Variants in IL1RAPL1 observed in about 807,000 individuals in gnomAD.
IL1RAPL1 encodes the protein interleukin 1 receptor accessory protein like 1, also known as interleukin-1 receptor accessory protein-like 1.
A neutral mutation model predicts 48.4 loss-of-function variants in IL1RAPL1; 3 were observed. The ratio of observed to expected loss-of-function variants is 0.06; its 90% confidence interval spans 0.03 to 0.16. IL1RAPL1 has a LOEUF of 0.16. Among genes scored for constraint, IL1RAPL1 ranks in the 10% least tolerant of loss-of-function variants. The pLI is 1.00. For missense variants in IL1RAPL1, 349 were observed against 530.6 expected (o/e 0.66, Z 3.36); for synonymous variants, 185 against 187.7 (o/e 0.99, Z 0.12).
At chrX:29,947,406 C>T in intron 9 of IL1RAPL1, among the ~76,000 whole-genome samples, 1 of 111,208 alleles carries the variant, frequency 9.0e-6, no homozygotes, top group Non-Finnish European at 1.9e-5. Flanking sequence ...CCAGGGCAAG[C>T]TTATAAGAAC....
intron 2 of IL1RAPL1, among the ~76,000 whole-genome samples, chrX:28,926,700 C>G (rs1923751437): frequency 8.9e-6 from 1 of 111,748 alleles, no homozygotes; most frequent in Admixed American, 9.5e-5. Flanking sequence ...AAGCACCAAA[C>G]ATCCTATTCC....
At position 29,097,798 on chromosome X, in the gene IL1RAPL1, C is replaced by G. The variant is rs969990510; in HGVS notation, c.83-185140C>G. Among the ~76,000 whole-genome samples, 5 of 112,094 alleles carry G rather than the reference C, an allele frequency of 4.5e-5. No individual in the cohort carries two copies. The Admixed American group carries it at 4.7e-4, about 11-fold the overall frequency. ...TATGTGCAATTGTCTTTGGACTAAT[C>G]AGATGTGATGGGCTTAATGTTGTTT... On this transcript the variant is annotated intron_variant, in intron 2 of 10. Coordinates refer to ENST00000378993, the MANE Select transcript of IL1RAPL1 (RefSeq NM_014271.4).
intron 5 of IL1RAPL1, among the ~76,000 whole-genome samples, chrX:29,483,662 G>T (rs771620012): frequency 9.3e-6 from 1 of 107,468 alleles, no homozygotes; most frequent in African/African-American, 3.4e-5. Context: ...ATTGTTGGGA[G>T]CTCTAGCAGA....
intron 2 of IL1RAPL1, among the ~76,000 whole-genome samples, chrX:28,851,816 T>C (rs896078303): frequency 1.3e-4 from 15 of 112,439 alleles, no homozygotes; most frequent in African/African-American, 4.9e-4. Flanking sequence ...TATTGCTTTG[T>C]ACTTAGGATC....
At position 29,075,774 on chromosome X, in the gene IL1RAPL1, GA is replaced by G. The variant is rs959744198; in HGVS notation, c.83-207156del. Reference sequence around the variant, plus strand: ...AATGTGTTCCACTATTATTAGAAAGGAAAAAAAATAAATATGCTTATCTTTG... The same window carrying G: ...AATGTGTTCCACTATTATTAGAAAGGAAAAAAATAAATATGCTTATCTTTG... On this transcript the variant is annotated intron_variant, in intron 2 of 10. Coordinates refer to ENST00000378993, the MANE Select transcript of IL1RAPL1 (RefSeq NM_014271.4). 9.1e-5 allele frequency among the ~76,000 whole-genome samples: 10 copies of G among 110,299 alleles called. No individual in the cohort carries two copies. The East Asian group carries it at 2.9e-3, about 31-fold the overall frequency.
chrX:28,895,209 G>A (rs1320073965), intron 2 of IL1RAPL1, among the ~76,000 whole-genome samples: 1 of 110,916 alleles, frequency 9.0e-6, no homozygotes, highest in African/African-American at 3.3e-5. Flanking sequence ...TTGATAAGGC[G>A]CAGATCTTGA....
At chrX:28,763,403 G>T (rs1681846562) in intron 1 of IL1RAPL1, among the ~76,000 whole-genome samples, 1 of 111,687 alleles carries the variant, frequency 9.0e-6, no homozygotes, top group African/African-American at 3.3e-5. Flanking sequence ...ATTTTTATTG[G>T]TTTTCTCTTG....
intron 2 of IL1RAPL1, chrX:28,923,992 G>A (rs1238936656): frequency 9.0e-6 from 1 of 111,195 alleles, no homozygotes; most frequent in Non-Finnish European, 1.9e-5. Context: ...GGTTAGACCT[G>A]TAGCTACCCA....
chrX:29,663,062 T>TCTC (rs1925895726), intron 5 of IL1RAPL1, among the ~76,000 whole-genome samples: 1 of 112,450 alleles, frequency 8.9e-6, no homozygotes, highest in Non-Finnish European at 1.9e-5. Flanking sequence ...GTTTACATTC[T>TCTC]ACAGCTCTCA....
intron 2 of IL1RAPL1, among the ~76,000 whole-genome samples, chrX:29,197,252 C>A (rs1388749025): frequency 8.9e-6 from 1 of 111,940 alleles, no homozygotes; most frequent in Non-Finnish European, 1.9e-5. Flanking sequence ...ATATAGAAAT[C>A]ATTTCCAAAG....
At chrX:28,858,022 C>A (rs1921846671) in intron 2 of IL1RAPL1, among the ~76,000 whole-genome samples, 1 of 111,703 alleles carries the variant, frequency 9.0e-6, no homozygotes, top group Non-Finnish European at 1.9e-5. Context: ...GAAGTTGATT[C>A]CAACTCTTGC....
intron 2 of IL1RAPL1, among the ~76,000 whole-genome samples, chrX:29,263,774 C>T (rs1931900807): frequency 9.1e-6 from 1 of 109,782 alleles, no homozygotes; most frequent in Non-Finnish European, 1.9e-5. Flanking sequence ...TAAAACTACC[C>T]TAGAATTGGC....
intron 2 of IL1RAPL1, among the ~76,000 whole-genome samples, chrX:28,988,804 T>C (rs927390002): frequency 2.7e-5 from 3 of 112,214 alleles, no homozygotes; most frequent in African/African-American, 9.7e-5. Flanking sequence ...GATATTACAA[T>C]ATCTCTTATA....
At chrX:29,427,060 A>G (rs769022588) in intron 5 of IL1RAPL1, among the ~76,000 whole-genome samples, 1 of 111,299 alleles carries the variant, frequency 9.0e-6, no homozygotes, top group East Asian at 2.8e-4. Context: ...GATCACCAAA[A>G]TATTAAGAAC....
At chrX:29,329,729 C>T (rs2147632499) in intron 3 of IL1RAPL1, among the ~76,000 whole-genome samples, 1 of 108,255 alleles carries the variant, frequency 9.2e-6, no homozygotes, top group African/African-American at 3.4e-5. Flanking sequence ...AGGAGAATCG[C>T]TTGAACCCAG....
intron 6 of IL1RAPL1, among the ~76,000 whole-genome samples, chrX:29,828,553 G>T (rs764354464): frequency 5.4e-5 from 6 of 111,967 alleles, no homozygotes; most frequent in Middle Eastern, 4.6e-3. Flanking sequence ...TGAAAGATTT[G>T]GTGTCTGAGG....
chrX:29,319,152 A>ATCTATCTATCTGTCTGTCTG (rs368138032), intron 3 of IL1RAPL1, among the ~76,000 whole-genome samples: 4 of 74,087 alleles, frequency 5.4e-5, no homozygotes, highest in African/African-American at 2.0e-4. Context: ...ATATCTGTCT[A>ATCTATCTATCTGTCTGTCTG]TCTGTCTGTC....
intron 2 of IL1RAPL1, among the ~76,000 whole-genome samples, chrX:28,818,646 G>A (rs1179918573): frequency 9.0e-6 from 1 of 110,524 alleles, no homozygotes; most frequent in African/African-American, 3.3e-5. Context: ...TGTTTCTCAG[G>A]TGACTTAGGG....
intron 2 of IL1RAPL1, among the ~76,000 whole-genome samples, chrX:29,229,586 G>T (rs1481072178): frequency 9.0e-6 from 1 of 111,631 alleles, no homozygotes; most frequent in Admixed American, 9.5e-5. Flanking sequence ...TCTCATGGAA[G>T]GTGTGGAGAG....
Sources: gnomAD v4.1 joint callset for allele counts (sites outside exome capture counted in the v4.1 genomes callset) on GRCh38, gnomAD v4.1.1 for gene constraint, MANE v1.5 for transcripts, NCBI Gene and HGNC (gene_info 2026-07-23, HGNC 2026-07-21) for gene names.